The following GPC5 variants were observed in gnomAD, a reference collection of about 807,000 sequenced individuals.
GPC5 encodes glypican-5.
In GPC5, 47 loss-of-function variants were observed where a neutral mutation model predicts 53.9. That is an observed-to-expected ratio of 0.87 (90% CI 0.69 to 1.11). The LOEUF is 1.11. Ranked by LOEUF, GPC5 falls within the 50% of genes most tolerant of loss-of-function variation. GPC5 has a pLI of 0.00. For missense variants in GPC5, 748 were observed against 713.1 expected (o/e 1.05, Z -0.56); for synonymous variants, 286 against 263.3 (o/e 1.09, Z -0.84).
chr13:91,911,400 C>T (rs542394969), intron 6 of GPC5, among the ~76,000 whole-genome samples: 265 of 151,892 alleles, frequency 1.7e-3, no homozygotes, highest in Middle Eastern at 0.017. Context: ...AAAAATTAGC[C>T]GGGCATGGTG....
chr13:92,524,016 A>G (rs569248555), intron 7 of GPC5, among the ~76,000 whole-genome samples: 1 of 152,198 alleles, frequency 6.6e-6, no homozygotes, highest in East Asian at 1.9e-4. Flanking sequence ...CTCAATGTTG[A>G]TAGCTGCCTA....
rs563797866 is a variant in GPC5 at position 92,653,605 on chromosome 13, T to G, written c.1562-212677T>G. ...TGGCTATTTATAAATATGTAAGCAG[T>G]TTTCAAGAATTTCACAAGTTACAAG... On this transcript the variant is annotated intron_variant, in intron 7 of 7. Transcript: ENST00000377067. 4.6e-5 allele frequency among the ~76,000 whole-genome samples: 7 copies of G among 152,258 alleles called. No individual in the cohort carries two copies. In the East Asian group the frequency reaches 1.4e-3, roughly 29 times the overall value.
intron 6 of GPC5, among the ~76,000 whole-genome samples, chr13:91,932,053 A>G (rs1025341056): frequency 2.0e-4 from 31 of 151,824 alleles, no homozygotes; most frequent in African/African-American, 7.0e-4. Flanking sequence ...AAAGCAAAAA[A>G]GTCCACTGAT....
chr13:92,590,633 C>T (rs1883682380), intron 7 of GPC5, among the ~76,000 whole-genome samples: 1 of 152,168 alleles, frequency 6.6e-6, no homozygotes, highest in African/African-American at 2.4e-5. Flanking sequence ...ATATCTGGAA[C>T]CGAGGACTCC....
At chr13:92,138,027 C>G (rs971813890) in intron 6 of GPC5, among the ~76,000 whole-genome samples, 6 of 151,988 alleles carry the variant, frequency 3.9e-5, no homozygotes, top group African/African-American at 1.4e-4. Flanking sequence ...AGTAGGGAGT[C>G]TATGGGAACT....
chr13:92,778,777 GTTC>G (rs1401542017), intron 7 of GPC5, among the ~76,000 whole-genome samples: 1 of 151,570 alleles, frequency 6.6e-6, no homozygotes, highest in Non-Finnish European at 1.5e-5. Context: ...AGTGTAGATA[GTTC>G]TTCTATCTGT....
chr13:92,701,680 G>A (rs1024799277), intron 7 of GPC5, among the ~76,000 whole-genome samples: 2 of 151,998 alleles, frequency 1.3e-5, no homozygotes, highest in East Asian at 1.9e-4. Context: ...TCTCTTTAGT[G>A]CAATATCTAT....
At chr13:91,679,914 ATT>A (rs34247860) in intron 2 of GPC5, among the ~76,000 whole-genome samples, 2 of 148,616 alleles carry the variant, frequency 1.3e-5, no homozygotes, top group African/African-American at 4.9e-5. Flanking sequence ...AACTAGCCAC[ATT>A]TTTTTTTTTC....
rs112396445 is a variant in GPC5, at chr13:91,507,331, T to C, written c.325+58409T>C. 8.5e-5 allele frequency among the ~76,000 whole-genome samples: 13 copies of C among 152,304 alleles called. 1 individual carries two copies. Among genetic ancestry groups the C allele is most frequent in the African/African-American group, 3.1e-4 (13 of 41,574 alleles). On this transcript the variant is annotated intron_variant, in intron 2 of 7. Coordinates refer to ENST00000377067, the MANE Select transcript of GPC5 (RefSeq NM_004466.6). Reference sequence around the variant, plus strand: ...CTGTATTAGTCTGTTTTCACACTGCTGATAAAGACATACCCGAGACTGGGT... The same window carrying C: ...CTGTATTAGTCTGTTTTCACACTGCCGATAAAGACATACCCGAGACTGGGT...
At chr13:92,146,766 T>C (rs2041870350) in intron 7 of GPC5, among the ~76,000 whole-genome samples, 1 of 152,106 alleles carries the variant, frequency 6.6e-6, no homozygotes, top group Admixed American at 6.6e-5. Flanking sequence ...CAATGTTTGG[T>C]TTCCTGTTCC....
rs545790350 is a variant in GPC5 at position 92,441,349 on chromosome 13, G to A, written c.1561+296360G>A. ...CTCCCAAAGTGCTGGGACTACAGGC[G>A]TGAGCTACCGCCTCAATTTTTGTTT... On this transcript the variant is annotated intron_variant, in intron 7 of 7. Transcript: ENST00000377067. Among the ~76,000 whole-genome samples, 10 of 152,314 alleles carry A rather than the reference G, an allele frequency of 6.6e-5. No individual in the cohort carries two copies. The South Asian group carries it at 8.3e-4, about 13-fold the overall frequency.
intron 7 of GPC5, among the ~76,000 whole-genome samples, chr13:92,384,544 C>A (rs1382010335): frequency 6.6e-6 from 1 of 152,058 alleles, no homozygotes; most frequent in Non-Finnish European, 1.5e-5. Context: ...ACATAAATAT[C>A]TCAGTGGTAC....
intron 2 of GPC5, among the ~76,000 whole-genome samples, chr13:91,525,130 T>C (rs1886023614): frequency 6.6e-6 from 1 of 152,242 alleles, no homozygotes. Flanking sequence ...AGCTTGTTCC[T>C]CTATACAAAC....
chr13:91,811,030 T>C (rs1594584933), intron 5 of GPC5, among the ~76,000 whole-genome samples: 1 of 151,870 alleles, frequency 6.6e-6, no homozygotes, highest in East Asian at 1.9e-4. Flanking sequence ...AGGAAAATAT[T>C]GACATAACAC....
At chr13:92,447,429 T>C (rs1397759572) in intron 7 of GPC5, 2 of 152,056 alleles carry the variant, frequency 1.3e-5, no homozygotes, top group African/African-American at 4.8e-5. Context: ...TAAAAATTAA[T>C]CTGTAGCTAA....
At chr13:92,076,060 G>A (rs2041249113) in intron 6 of GPC5, among the ~76,000 whole-genome samples, 1 of 141,306 alleles carries the variant, frequency 7.1e-6, no homozygotes, top group Non-Finnish European at 1.5e-5. Context: ...CTTAGAGAGG[G>A]AAAGTTTCGA....
chr13:92,558,525 A>G (rs1882579336), intron 7 of GPC5, among the ~76,000 whole-genome samples: 1 of 151,986 alleles, frequency 6.6e-6, no homozygotes, highest in Non-Finnish European at 1.5e-5. Flanking sequence ...TCAGTAAGGT[A>G]GTTTTCTCAG....
chr13:91,832,223 T>A (rs2038668574), intron 5 of GPC5, among the ~76,000 whole-genome samples: 1 of 152,004 alleles, frequency 6.6e-6, no homozygotes, highest in African/African-American at 2.4e-5. Context: ...TTCAATGTAA[T>A]GCTCTTCTTT....
chr13:92,863,902 C>A (rs1879262121), intron 7 of GPC5, among the ~76,000 whole-genome samples: 1 of 152,086 alleles, frequency 6.6e-6, no homozygotes, highest in Admixed American at 6.6e-5. Flanking sequence ...CCACTAAGAG[C>A]AAAACTATGA....
Sources: allele counts gnomAD v4.1 joint callset (sites outside exome capture counted in the v4.1 genomes callset), GRCh38; gene constraint gnomAD v4.1.1; transcripts MANE v1.5; gene names NCBI Gene and HGNC (gene_info 2026-07-23, HGNC 2026-07-21).